CEACAM6: variants seen among roughly 807,000 people sequenced by gnomAD.
CEACAM6 encodes CEA cell adhesion molecule 6.
Under a neutral mutation model 32.4 loss-of-function variants are expected in CEACAM6, and 21 were observed. The ratio of observed to expected loss-of-function variants is 0.65; its 90% CI spans 0.46 to 0.93. CEACAM6 has a LOEUF of 0.93. Among genes scored for constraint, CEACAM6 ranks in the 40% least tolerant of loss-of-function variants. The pLI is 0.00. For missense variants in CEACAM6, 406 were observed against 432.2 expected (o/e 0.94, Z 0.54); for synonymous variants, 184 against 174.4 (o/e 1.06, Z -0.43).
In CEACAM6 at chr19:41,756,745, C is replaced by G. The variant is rs375592868; in HGVS notation, c.210C>G (p.Gly70=). The change falls in exon 2 of 6, where the codon GGC becomes GGG. Residue 70 remains glycine (G), a synonymous_variant. Transcript: ENST00000199764. ...GTATTGGTTACAGCTGGTACAAAGG[C>G]GAAAGAGTGGATGGCAACAGTCTAA... ...QNRIGYSWYK[G]ERVDGNSLIV... is the part of the protein sequence containing the mutation. 23 of 1,613,966 alleles carry G rather than the reference C, an allele frequency of 1.4e-5. No individual in the cohort carries two copies. Among genetic ancestry groups the G allele is most frequent in the South Asian group, 7.7e-5 (7 of 91,066 alleles).
At chr19:41,757,213 T>G (rs2072894055) in intron 2 of CEACAM6, among the ~76,000 whole-genome samples, 1 of 151,932 alleles carries the variant, frequency 6.6e-6, no homozygotes, top group Admixed American at 6.6e-5. Flanking sequence ...GCGAGGTCAG[T>G]GTCAGACAAG....
rs147402597 is a variant in CEACAM6, at chr19:41,761,299, G to T, written c.475G>T (p.Asp159Tyr). Residue 159 changes from aspartate to tyrosine, a missense_variant, in exon 3 of 6, where the codon GAC becomes TAC. By Grantham distance (160) the Asp-to-Tyr change is radical. Coordinates refer to ENST00000199764, the MANE Select transcript of CEACAM6 (RefSeq NM_002483.7). ...CAGCAACAACTCCAACCCCGTGGAG[G>T]ACAAGGATGCTGTGGCCTTCACCTG... ...ISSNNSNPVEDKDAVAFTCEP... is the reference protein window; with the variant it reads ...ISSNNSNPVEYKDAVAFTCEP... 1 of 1,614,046 alleles carries T rather than the reference G, an allele frequency of 6.2e-7. No individual in the cohort carries two copies. Among genetic ancestry groups the T allele is most frequent in the Non-Finnish European group, 8.5e-7 (1 of 1,180,030 alleles).
intron 5 of CEACAM6, among the ~76,000 whole-genome samples, chr19:41,768,815 G>A (rs2072973863): frequency 2.0e-5 from 3 of 152,158 alleles, no homozygotes; most frequent in African/African-American, 7.2e-5. Flanking sequence ...GGGCAGAGGC[G>A]CCCCTCACCT....
intron 4 of CEACAM6, among the ~76,000 whole-genome samples, chr19:41,765,434 A>G (rs1207701130): frequency 6.6e-6 from 1 of 152,224 alleles, no homozygotes; most frequent in Non-Finnish European, 1.5e-5. Flanking sequence ...AAACAGTGCA[A>G]AGAATCAAGC....
intron 4 of CEACAM6, among the ~76,000 whole-genome samples, chr19:41,763,963 T>C (rs2072942704): frequency 6.6e-6 from 1 of 152,232 alleles, no homozygotes; most frequent in Non-Finnish European, 1.5e-5. Flanking sequence ...AAACACTATG[T>C]TGAAGAGAAG....
intron 5 of CEACAM6, among the ~76,000 whole-genome samples, chr19:41,768,673 C>T (rs2072971799): frequency 1.3e-5 from 2 of 151,506 alleles, no homozygotes; most frequent in South Asian, 2.1e-4. Flanking sequence ...CCAGTAGGGG[C>T]GGCCGGGCAG....
At chr19:41,756,992 G>A in intron 2 of CEACAM6, 33 bp downstream of exon 2, 1 of 1,570,208 alleles carries the variant, frequency 6.4e-7, no homozygotes, top group Non-Finnish European at 8.6e-7. Context: ...TGGGTGTTGG[G>A]GGTCAGTTCT....
intron 2 of CEACAM6, among the ~76,000 whole-genome samples, chr19:41,759,019 T>C (rs782579052): frequency 6.6e-5 from 10 of 152,220 alleles, no homozygotes; most frequent in Non-Finnish European, 1.2e-4. Flanking sequence ...CAGTCTCTAC[T>C]GACTCACCAG....
At chr19:41,770,216 C>T (rs2072985083) in intron 5 of CEACAM6, among the ~76,000 whole-genome samples, 1 of 148,936 alleles carries the variant, frequency 6.7e-6, no homozygotes, top group Admixed American at 6.7e-5. Flanking sequence ...TCAAGACCAG[C>T]CTGGCCAACA....
intron 3 of CEACAM6, 97 bp from the exon 4 acceptor site, chr19:41,761,872 T>A: frequency 4.1e-6 from 6 of 1,463,718 alleles, no homozygotes; most frequent in Non-Finnish European, 4.7e-6. Context: ...TTCAGGGTTG[T>A]GACATGGCTC....
At chr19:41,765,605 A>G (rs1324322820) in intron 4 of CEACAM6, among the ~76,000 whole-genome samples, 1 of 152,222 alleles carries the variant, frequency 6.6e-6, no homozygotes, top group African/African-American at 2.4e-5. Context: ...CCTGAGAAGG[A>G]GAAAGAGAAG....
chr19:41,756,326 C>T (rs2072884621), intron 1 of CEACAM6, among the ~76,000 whole-genome samples: 2 of 152,132 alleles, frequency 1.3e-5, no homozygotes, highest in Admixed American at 1.3e-4. Context: ...CTGATGTGAG[C>T]AGGACCTGAG....
rs782296053 is a variant in CEACAM6 at position 41,761,465 on chromosome 19, A to T, written c.641A>T (p.Glu214Val). 3.7e-6 allele frequency: 6 copies of T among 1,614,184 alleles called. No homozygotes were observed. The highest frequency in any genetic ancestry group is 1.1e-5 in the South Asian group (1 of 91,078). The stretch of plus-strand genomic sequence containing the variant: ...AAAAGGAACGATGCAGGATCCTATG[A>T]ATGTGAAATACAGAACCCAGCGAGT... Reference protein sequence around the residue: ...SVKRNDAGSYECEIQNPASAN... With the variant: ...SVKRNDAGSYVCEIQNPASAN... The change falls in exon 3 of 6, where the codon GAA becomes GTA. Residue 214 changes from glutamate to valine, a missense_variant. By Grantham distance (121) the Glu-to-Val change is moderately radical. Transcript: ENST00000199764.
chr19:41,757,531 G>C (rs978820138), intron 2 of CEACAM6, among the ~76,000 whole-genome samples: 24 of 152,126 alleles, frequency 1.6e-4, no homozygotes, highest in Non-Finnish European at 3.4e-4. Flanking sequence ...TCTAGCTGAG[G>C]ATAGGGCCTC....
intron 4 of CEACAM6, among the ~76,000 whole-genome samples, chr19:41,764,928 G>A (rs1034603719): frequency 6.6e-6 from 1 of 152,136 alleles, no homozygotes; most frequent in African/African-American, 2.4e-5. Context: ...ACTGAAAATT[G>A]CAATAATTCT....
intron 5 of CEACAM6, among the ~76,000 whole-genome samples, chr19:41,766,586 C>T (rs758660711): frequency 1.4e-4 from 21 of 152,214 alleles, no homozygotes; most frequent in Non-Finnish European, 2.5e-4. Context: ...TTTTGTCAGT[C>T]TCTCCATTCC....
At chr19:41,763,390 A>G (rs2072938406) in intron 4 of CEACAM6, among the ~76,000 whole-genome samples, 1 of 152,160 alleles carries the variant, frequency 6.6e-6, no homozygotes, top group South Asian at 2.1e-4. Flanking sequence ...AAGCCTCAGA[A>G]AAAACACACC....
rs547901632 is a variant in CEACAM6 at position 41,755,721 on chromosome 19, C to T, written c.64+19C>T. On this transcript the variant is annotated intron_variant, in intron 1 of 5. Transcript: ENST00000199764. ...CTCACAGGTGAGGGGAGGACTCCCT[C>T]GGAGTGGATGGGAGGAGGGAGCACA... 157 of 1,592,758 alleles carry T rather than the reference C, an allele frequency of 9.9e-5. 1 individual carries two copies. The South Asian group carries it at 1.3e-3, about 13-fold the overall frequency.
chr19:41,761,816 G>A (rs372496192), intron 3 of CEACAM6, among the ~76,000 whole-genome samples, 153 bp from the exon 4 acceptor site: 9 of 152,340 alleles, frequency 5.9e-5, no homozygotes, highest in African/African-American at 2.2e-4. Context: ...ACAGGTGAAT[G>A]TCTCAGACTT....
Sources: gnomAD v4.1 joint callset for allele counts (sites outside exome capture counted in the v4.1 genomes callset) on GRCh38, gnomAD v4.1.1 for gene constraint, MANE v1.5 for transcripts, NCBI Gene and HGNC (gene_info 2026-07-23, HGNC 2026-07-21) for gene names.